Variants in AUTS2 observed in about 807,000 individuals in gnomAD.
The protein encoded by AUTS2 is activator of transcription and developmental regulator AUTS2.
Under a neutral mutation model 112.4 loss-of-function variants are expected in AUTS2, and 17 were observed. That is an observed-to-expected ratio of 0.15 (90% CI 0.10 to 0.23). The LOEUF is 0.23. Among genes scored for constraint, AUTS2 ranks in the 10% least tolerant of loss-of-function variants. AUTS2 has a pLI of 1.00. For synonymous variants in AUTS2, 751 were observed against 702.7 expected (o/e 1.07, Z -1.09); for missense variants, 1,510 against 1,701.6 (o/e 0.89, Z 1.98).
At position 69,599,755 on chromosome 7, in the gene AUTS2, G is replaced by T; in HGVS notation, c.102G>T (p.Ala34=). 7.3e-7 allele frequency: 1 copy of T among 1,367,846 alleles called. No individual in the cohort carries two copies. The highest frequency in any genetic ancestry group is 9.4e-7 in the Non-Finnish European group (1 of 1,064,474). The allele number at this position is 1,367,846 out of a possible 1,614,324, so 84.7% of individuals were successfully genotyped here. A position where few individuals can be genotyped will look rare whatever the true frequency, so the allele number is the denominator to read the frequency against. The change falls in exon 1 of 19, where the codon GCG becomes GCT. Residue 34 remains alanine (A), a synonymous_variant. Coordinates refer to ENST00000342771, the MANE Select transcript of AUTS2 (RefSeq NM_015570.4). This position sits in a 1 kb window ranked among gnomAD's most constrained non-coding sequence, Gnocchi z 7.0. ...RRSRGGLGAG[A]AGGGGAGRTR... ...CCCGGGGCGGGCTGGGGGCCGGCGC[G>T]GCCGGCGGCGGCGGGGCTGGCCGGA...
chr7:69,801,921 C>A (rs1790103217), intron 1 of AUTS2, among the ~76,000 whole-genome samples: 1 of 152,056 alleles, frequency 6.6e-6, no homozygotes. Flanking sequence ...GTGGGGCATG[C>A]AATTTTAGAT....
At chr7:69,626,759 A>G (rs1212352282) in intron 1 of AUTS2, among the ~76,000 whole-genome samples, 1 of 152,214 alleles carries the variant, frequency 6.6e-6, no homozygotes, top group African/African-American at 2.4e-5. Context: ...CCATAAGGGC[A>G]GTTTCTTTTT....
chr7:70,309,547 G>T (rs936713857), intron 4 of AUTS2, among the ~76,000 whole-genome samples: 2 of 152,086 alleles, frequency 1.3e-5, no homozygotes, highest in Admixed American at 1.3e-4. Flanking sequence ...TCTGATTATT[G>T]TTCAAATACT....
At chr7:70,582,342 A>G (rs1434206638) in intron 5 of AUTS2, among the ~76,000 whole-genome samples, 1 of 152,166 alleles carries the variant, frequency 6.6e-6, no homozygotes, top group Non-Finnish European at 1.5e-5. Context: ...CAAGCTGAGT[A>G]TACAAAGCAT....
chr7:70,142,032 G>A (rs1806892603), intron 4 of AUTS2, among the ~76,000 whole-genome samples: 1 of 152,190 alleles, frequency 6.6e-6, no homozygotes, highest in East Asian at 1.9e-4. Context: ...GTTTCCAGTT[G>A]CAACCAATAA....
chr7:70,620,581 T>C (rs886905227), intron 5 of AUTS2, among the ~76,000 whole-genome samples: 1 of 152,130 alleles, frequency 6.6e-6, no homozygotes, highest in Admixed American at 6.5e-5. Context: ...TGCTTCTCCT[T>C]GAATTGTCCT....
At chr7:69,903,622 T>A (rs1795050756) in intron 2 of AUTS2, among the ~76,000 whole-genome samples, 1 of 152,162 alleles carries the variant, frequency 6.6e-6, no homozygotes, top group African/African-American at 2.4e-5. Flanking sequence ...GACACCAAGA[T>A]GAATCATCAA....
At chr7:70,313,919 T>G (rs1014296545) in intron 4 of AUTS2, among the ~76,000 whole-genome samples, 14 of 152,130 alleles carry the variant, frequency 9.2e-5, no homozygotes, top group African/African-American at 3.1e-4. Flanking sequence ...CATAAAGAAC[T>G]CCCACAGAAT....
At chr7:70,645,259 A>G (rs1806092293) in intron 5 of AUTS2, among the ~76,000 whole-genome samples, 2 of 118,528 alleles carry the variant, frequency 1.7e-5, no homozygotes, top group East Asian at 3.0e-4. Context: ...TAGGAGCTGG[A>G]CATGAAAAGG....
chr7:69,853,323 A>G (rs7789364), intron 1 of AUTS2, among the ~76,000 whole-genome samples: 14,859 of 152,104 alleles, frequency 0.098, 780 homozygotes, highest in Admixed American at 0.12. Flanking sequence ...TTTTGCCACA[A>G]ATACATTTGG....
chr7:70,353,405 G>A (rs533826859), intron 4 of AUTS2, among the ~76,000 whole-genome samples: 4 of 152,090 alleles, frequency 2.6e-5, no homozygotes, highest in African/African-American at 9.6e-5. Context: ...CACAGGCATG[G>A]TGGTTTCACT....
chr7:70,118,297 C>T, intron 3 of AUTS2, 64 bp downstream of exon 3: 1 of 1,447,656 alleles, frequency 6.9e-7, no homozygotes, highest in Non-Finnish European at 9.1e-7. Context: ...CACACACACA[C>T]CATTGGTTCA....
At chr7:70,762,807 C>G in intron 6 of AUTS2, 63 bp from the exon 7 acceptor site, 1 of 1,233,068 alleles carries the variant, frequency 8.1e-7, no homozygotes, top group Non-Finnish European at 1.2e-6. Context: ...AGTTTCCTTT[C>G]CCTCCTTATG....
intron 5 of AUTS2, among the ~76,000 whole-genome samples, chr7:70,549,769 A>G (rs898738978): frequency 6.6e-6 from 1 of 152,198 alleles, no homozygotes; most frequent in Non-Finnish European, 1.5e-5. Flanking sequence ...TTATTTCAGC[A>G]ACCTGACCAG....
At chr7:69,632,550 C>T (rs1794298912) in intron 1 of AUTS2, among the ~76,000 whole-genome samples, 1 of 147,034 alleles carries the variant, frequency 6.8e-6, no homozygotes, top group African/African-American at 2.5e-5. Flanking sequence ...TTCCATCCTG[C>T]CTCTCCTCTC....
At chr7:70,283,713 A>G (rs1040474378) in intron 4 of AUTS2, among the ~76,000 whole-genome samples, 3 of 152,204 alleles carry the variant, frequency 2.0e-5, no homozygotes, top group Non-Finnish European at 2.9e-5. Flanking sequence ...TTCATTTAAC[A>G]TGGCATGAAT....
chr7:70,628,065 A>G (rs563462646), intron 5 of AUTS2, among the ~76,000 whole-genome samples: 7 of 152,264 alleles, frequency 4.6e-5, no homozygotes, highest in Admixed American at 3.3e-4. Context: ...TCATTGATCT[A>G]TAAGTAGAAA....
At chr7:70,236,860 C>T (rs1008130827) in intron 4 of AUTS2, among the ~76,000 whole-genome samples, 1 of 152,178 alleles carries the variant, frequency 6.6e-6, no homozygotes, top group Admixed American at 6.5e-5. Context: ...AGACTCATCA[C>T]CCAAGCCAGC....
intron 2 of AUTS2, among the ~76,000 whole-genome samples, chr7:69,977,549 T>C (rs1454567863): frequency 6.6e-6 from 1 of 152,192 alleles, no homozygotes; most frequent in African/African-American, 2.4e-5. Context: ...CAACAGTAGG[T>C]ATAACAATAT....
Sources: gnomAD v4.1 joint callset for allele counts (sites outside exome capture counted in the v4.1 genomes callset) on GRCh38, gnomAD v4.1.1 for gene constraint, Gnocchi (gnomAD v3.1) non-coding constraint, MANE v1.5 for transcripts, NCBI Gene and HGNC (gene_info 2026-07-23, HGNC 2026-07-21) for gene names.